The following KRTAP19-2 variants were observed in gnomAD, a reference collection of about 807,000 sequenced individuals.
The protein encoded by KRTAP19-2 is keratin-associated protein 19-2.
A neutral mutation model predicts 0.3 loss-of-function variants in KRTAP19-2; 2 were observed. That is an observed-to-expected ratio of 6.87 (90% CI 2.81 to 21.61). The LOEUF (loss-of-function observed/expected upper bound fraction) is 21.61. KRTAP19-2 is among the 30% of genes most tolerant of loss of function. The probability of loss-of-function intolerance (pLI) is 0.03; values close to 1 mark genes in which losing one functional copy is unlikely to be tolerated. For synonymous variants in KRTAP19-2, 31 were observed against 24.6 expected (o/e 1.26, Z -0.77); for missense variants, 63 against 63.1 (o/e 1.00, Z 0.00).
Position 30,487,254 on chromosome 21 carries a change from C to G in KRTAP19-2, c.95G>C (p.Gly32Ala). 6.2e-7 allele frequency: 1 copy of G among 1,614,146 alleles called. No individual in the cohort carries two copies. Among genetic ancestry groups the G allele is most frequent in the Non-Finnish European group, 8.5e-7 (1 of 1,180,030 alleles). ...EGCRYGCGHR[G>A]CGDGCCCPSC... ...TGGGCAGCAGCAGCCATCTCCACAG[C>G]CTCTGTGGCCACAACCATATCTGCA... is the stretch of plus-strand genomic sequence containing the variant. The change falls in exon 1 of 1, where the codon GGC becomes GCC. Residue 32 changes from glycine to alanine, a missense_variant. Gly to Ala is a moderately conservative substitution (Grantham distance 60, BLOSUM62 0). Transcript: ENST00000334055.
In KRTAP19-2 at chr21:30,487,338, C is replaced by T. The variant is rs751220149; in HGVS notation, c.11G>A (p.Gly4Asp). 6.2e-7 allele frequency: 1 copy of T among 1,610,502 alleles called. No individual in the cohort carries two copies. Among genetic ancestry groups the T allele is most frequent in the Non-Finnish European group, 8.5e-7 (1 of 1,177,046 alleles). The change falls in exon 1 of 1, where the codon GGC becomes GAC. Residue 4 changes from glycine to aspartate, a missense_variant. Gly to Asp is a moderately conservative substitution (Grantham distance 94). Coordinates refer to ENST00000334055, the MANE Select transcript of KRTAP19-2 (RefSeq NM_181608.2). ...GAAGCTGCCACATCCACAGCCGTAG[C>T]CATAGCACATGCCACCAAAGCCTCC... MCYGYGCGCGSFCR... is the reference protein window; with the variant it reads MCYDYGCGCGSFCR...
chr21:30,487,193 G>T, the KRTAP19-2 span: 2 of 1,614,000 alleles, frequency 1.2e-6, no homozygotes, highest in Admixed American at 1.7e-5. Flanking sequence ...CAGCAGCTTA[G>T]TAGAAGCCAG....
Position 30,487,206 on chromosome 21 carries a change from A to C in KRTAP19-2, c.143T>G (p.Phe48Cys). Residue 48 changes from phenylalanine (F) to cysteine (C), a missense_variant, in exon 1 of 1, where the codon TTC (phenylalanine) becomes TGC (cysteine). Coordinates refer to ENST00000334055, the MANE Select transcript of KRTAP19-2 (RefSeq NM_181608.2). ...AGCAGCAGCTTAGTAGAAGCCAGTG[A>C]ATCTATATCTTCTGTAGCATGATGG... is the stretch of plus-strand genomic sequence containing the variant. ...CCPSCYRRYRFTGFY is the reference protein window; with the variant it reads ...CCPSCYRRYRCTGFY 1 of 1,614,154 alleles carries C rather than the reference A, an allele frequency of 6.2e-7. No homozygotes were observed. Among genetic ancestry groups the C allele is most frequent in the South Asian group, 1.1e-5 (1 of 91,082 alleles).
rs1985887384 is a variant in KRTAP19-2 at position 30,487,360 on chromosome 21, C to G, written c.-12G>C. The G allele has an allele frequency of 3.1e-6, 5 of 1,610,284 alleles. No homozygotes were observed. In the Admixed American group the frequency reaches 5.0e-5, roughly 16 times the overall value. On this transcript the variant is annotated 5_prime_UTR_variant, in exon 1 of 1. Coordinates refer to ENST00000334055, the MANE Select transcript of KRTAP19-2 (RefSeq NM_181608.2). The stretch of plus-strand genomic sequence containing the variant: ...TAGCCATAGCACATGCCACCAAAGC[C>G]TCCACAGCCATAGCCCAGACCTCCA...
chr21:30,487,423 T>C lies in KRTAP19-2; in HGVS notation c.-75A>G, dbSNP rs948548162. 11 of 1,609,202 alleles carry C rather than the reference T, an allele frequency of 6.8e-6. No individual in the cohort carries two copies. In the African/African-American group the frequency reaches 1.2e-4, roughly 18 times the overall value. On this transcript the variant is annotated 5_prime_UTR_variant, in exon 1 of 1. Coordinates refer to ENST00000334055, the MANE Select transcript of KRTAP19-2 (RefSeq NM_181608.2). ...TAGTAGCTCACGGTGTCAGAGATAG[T>C]GAGTTGGGTTTGCTGTCCCAGGCAA...
In KRTAP19-2 at chr21:30,487,312, A is replaced by G. The variant is rs776584128; in HGVS notation, c.37T>C (p.Cys13Arg). Residue 13 changes from cysteine to arginine, a missense_variant, in exon 1 of 1, where the codon TGC (cysteine) becomes CGC (arginine). Transcript: ENST00000334055. ...YGYGCGCGSF[C>R]RLGYGCGYEG... ...TAGCCGCAGCCATAGCCCAGTCTGCAGAAGCTGCCACATCCACAGCCGTAG... is the reference window on the plus strand; with the variant it reads ...TAGCCGCAGCCATAGCCCAGTCTGCGGAAGCTGCCACATCCACAGCCGTAG... 1.9e-6 allele frequency: 3 copies of G among 1,614,008 alleles called. No homozygotes were observed. The highest frequency in any genetic ancestry group is 2.5e-6 in the Non-Finnish European group (3 of 1,179,924).
At position 30,487,194 on chromosome 21, in the gene KRTAP19-2, T is replaced by C; in HGVS notation, c.155A>G (p.Tyr52Cys). 6.2e-7 allele frequency: 1 copy of C among 1,614,032 alleles called. No individual in the cohort carries two copies. Among genetic ancestry groups the C allele is most frequent in the Non-Finnish European group, 8.5e-7 (1 of 1,179,874 alleles). Residue 52 changes from tyrosine to cysteine, a missense_variant, in exon 1 of 1, where the codon TAC (tyrosine) becomes TGC (cysteine). Transcript: ENST00000334055. ...CYRRYRFTGF[Y>C] ...CTGCATCACTAGAGCAGCAGCTTAG[T>C]AGAAGCCAGTGAATCTATATCTTCT...
Position 30,487,181 on chromosome 21 carries a change from A to G in KRTAP19-2, c.*9T>C. ...AAAATAACAGATGCTGCATCACTAG[A>G]GCAGCAGCTTAGTAGAAGCCAGTGA... On this transcript the variant is annotated 3_prime_UTR_variant, in exon 1 of 1. Coordinates refer to ENST00000334055, the MANE Select transcript of KRTAP19-2 (RefSeq NM_181608.2). 1 of 1,607,912 alleles carries G rather than the reference A, an allele frequency of 6.2e-7. No individual in the cohort carries two copies. The highest frequency in any genetic ancestry group is 8.5e-7 in the Non-Finnish European group (1 of 1,174,346).
At position 30,487,332 on chromosome 21, in the gene KRTAP19-2, C is replaced by T. The variant is rs1985885898; in HGVS notation, c.17G>A (p.Gly6Asp). 7 of 1,610,508 alleles carry T rather than the reference C, an allele frequency of 4.3e-6. No homozygotes were observed. In the East Asian group the frequency reaches 1.3e-4, roughly 31 times the overall value. MCYGY[G>D]CGCGSFCRLG... ...TCTGCAGAAGCTGCCACATCCACAG[C>T]CGTAGCCATAGCACATGCCACCAAA... The change falls in exon 1 of 1, where the codon GGC becomes GAC. Residue 6 changes from glycine (G) to aspartate (D), a missense_variant. Coordinates refer to ENST00000334055, the MANE Select transcript of KRTAP19-2 (RefSeq NM_181608.2).
chr21:30,487,397 C>G lies in KRTAP19-2; in HGVS notation c.-49G>C. The G allele has an allele frequency of 6.2e-7, 1 of 1,613,472 alleles. No individual in the cohort carries two copies. The highest frequency in any genetic ancestry group is 8.5e-7 in the Non-Finnish European group (1 of 1,179,554). On this transcript the variant is annotated 5_prime_UTR_variant, in exon 1 of 1. Coordinates refer to ENST00000334055, the MANE Select transcript of KRTAP19-2 (RefSeq NM_181608.2). Reference sequence around the variant, plus strand: ...AGCCCAGACCTCCACAGTAGCTGCCCTAGTAGCTCACGGTGTCAGAGATAG... The same window carrying G: ...AGCCCAGACCTCCACAGTAGCTGCCGTAGTAGCTCACGGTGTCAGAGATAG...
chr21:30,487,256 T>C lies in KRTAP19-2; in HGVS notation c.93A>G (p.Arg31=), dbSNP rs781514812. 1.2e-6 allele frequency: 2 copies of C among 1,614,174 alleles called. No homozygotes were observed. Among genetic ancestry groups the C allele is most frequent in the South Asian group, 2.2e-5 (2 of 91,084 alleles). Residue 31 remains arginine, a synonymous_variant, in exon 1 of 1, where the codon AGA becomes AGG. Transcript: ENST00000334055. ...YEGCRYGCGH[R]GCGDGCCCPS... ...GGCAGCAGCAGCCATCTCCACAGCC[T>C]CTGTGGCCACAACCATATCTGCATC...
At position 30,487,096 on chromosome 21, in the gene KRTAP19-2, C is replaced by A; in HGVS notation, c.*94G>T. 2 of 1,333,522 alleles carry A rather than the reference C, an allele frequency of 1.5e-6. No homozygotes were observed. Among genetic ancestry groups the A allele is most frequent in the Middle Eastern group, 1.9e-4 (1 of 5,298 alleles). 82.6% of individuals were successfully genotyped at this position (1,333,522 alleles called of 1,614,324 possible). On this transcript the variant is annotated 3_prime_UTR_variant, in exon 1 of 1. Coordinates refer to ENST00000334055, the MANE Select transcript of KRTAP19-2 (RefSeq NM_181608.2). Reference sequence around the variant, plus strand: ...TCCCTTTGGAATGGGAGCATTTACACATTTACACCTTTACCCCCATTGTAT... The same window carrying A: ...TCCCTTTGGAATGGGAGCATTTACAAATTTACACCTTTACCCCCATTGTAT...
chr21:30,487,292 G>T, the KRTAP19-2 span: 7 of 1,613,882 alleles, frequency 4.3e-6, no homozygotes, highest in Non-Finnish European at 4.2e-6. Flanking sequence ...CTTCATAGCC[G>T]CAGCCATAGC....
At position 30,487,257 on chromosome 21, in the gene KRTAP19-2, C is replaced by G. The variant is rs1985883353; in HGVS notation, c.92G>C (p.Arg31Thr). ...YEGCRYGCGH[R>T]GCGDGCCCPS... ...GCAGCAGCAGCCATCTCCACAGCCT[C>G]TGTGGCCACAACCATATCTGCATCC... Residue 31 changes from arginine to threonine, a missense_variant, in exon 1 of 1, where the codon AGA becomes ACA. Transcript: ENST00000334055. The G allele has an allele frequency of 1.2e-6, 2 of 1,614,168 alleles. No homozygotes were observed. The highest frequency in any genetic ancestry group is 8.5e-7 in the Non-Finnish European group (1 of 1,180,026).
chr21:30,487,365 C>T lies in KRTAP19-2; in HGVS notation c.-17G>A. On this transcript the variant is annotated 5_prime_UTR_variant, in exon 1 of 1. The change creates a new upstream start codon in the 5' untranslated region. Coordinates refer to ENST00000334055, the MANE Select transcript of KRTAP19-2 (RefSeq NM_181608.2). The stretch of plus-strand genomic sequence containing the variant: ...ATAGCACATGCCACCAAAGCCTCCA[C>T]AGCCATAGCCCAGACCTCCACAGTA... 6.2e-7 allele frequency: 1 copy of T among 1,613,922 alleles called. No individual in the cohort carries two copies. The highest frequency in any genetic ancestry group is 1.3e-5 in the African/African-American group (1 of 75,044).
At position 30,487,386 on chromosome 21, in the gene KRTAP19-2, C is replaced by T. The variant is rs555831190; in HGVS notation, c.-38G>A. ...TCCACAGCCATAGCCCAGACCTCCA[C>T]AGTAGCTGCCCTAGTAGCTCACGGT... is the stretch of plus-strand genomic sequence containing the variant. On this transcript the variant is annotated 5_prime_UTR_variant, in exon 1 of 1. In the 5' UTR this introduces an upstream ATG that the reference lacks. Transcript: ENST00000334055. 6.2e-7 allele frequency: 1 copy of T among 1,613,896 alleles called. No homozygotes were observed. The highest frequency in any genetic ancestry group is 8.5e-7 in the Non-Finnish European group (1 of 1,179,858).
the KRTAP19-2 span, chr21:30,487,336 AG>A: frequency 1.2e-6 from 2 of 1,610,492 alleles, no homozygotes; most frequent in East Asian, 4.5e-5. Context: ...CCACAGCCGT[AG>A]CCATAGCACA....
chr21:30,487,120 A>G lies in KRTAP19-2; in HGVS notation c.*70T>C. On this transcript the variant is annotated 3_prime_UTR_variant, in exon 1 of 1. Coordinates refer to ENST00000334055, the MANE Select transcript of KRTAP19-2 (RefSeq NM_181608.2). ...ACATTTACACCTTTACCCCCATTGT[A>G]TCTTAGAAGTAAGTAACTTGTTTTT... The G allele has an allele frequency of 1.3e-6, 2 of 1,497,430 alleles. No homozygotes were observed. Among genetic ancestry groups the G allele is most frequent in the Non-Finnish European group, 1.9e-6 (2 of 1,078,772 alleles). 92.8% of individuals were successfully genotyped at this position (1,497,430 alleles called of 1,614,324 possible).
rs748095981 is a variant in KRTAP19-2 at position 30,487,387 on chromosome 21, A to G, written c.-39T>C. 4 of 1,613,848 alleles carry G rather than the reference A, an allele frequency of 2.5e-6. No homozygotes were observed. The highest frequency in any genetic ancestry group is 8.5e-7 in the Non-Finnish European group (1 of 1,179,832). ...CCACAGCCATAGCCCAGACCTCCAC[A>G]GTAGCTGCCCTAGTAGCTCACGGTG... On this transcript the variant is annotated 5_prime_UTR_variant, in exon 1 of 1. Transcript: ENST00000334055.
Sources: allele counts gnomAD v4.1 joint callset, GRCh38; gene constraint gnomAD v4.1.1; transcripts MANE v1.5; gene names NCBI Gene and HGNC (gene_info 2026-07-23, HGNC 2026-07-21).